DDX27: variants seen among roughly 807,000 people sequenced by gnomAD.
The protein encoded by DDX27 is probable ATP-dependent RNA helicase DDX27.
DDX27 carries 42 observed loss-of-function variants against 99.3 expected under a neutral mutation model. The observed-to-expected ratio is 0.42, with a 90% confidence interval of 0.33 to 0.55. The LOEUF (loss-of-function observed/expected upper bound fraction) is 0.55, where lower values mean the gene tolerates loss of function less well. DDX27 is among the 20% of genes least tolerant of loss of function. DDX27 has a pLI of 0.07. For synonymous variants in DDX27, 329 were observed against 353.8 expected (o/e 0.93, Z 0.79); for missense variants, 798 against 976.8 (o/e 0.82, Z 2.44).
intron 7 of DDX27, among the ~76,000 whole-genome samples, chr20:49,227,717 G>A (rs371385126): frequency 1.3e-5 from 2 of 152,120 alleles, no homozygotes; most frequent in South Asian, 2.1e-4. Context: ...GAGGATGTCC[G>A]GTCTAGTAGT....
At chr20:49,231,743 G>A (rs952288509) in intron 9 of DDX27, among the ~76,000 whole-genome samples, 8 of 152,308 alleles carry the variant, frequency 5.3e-5, no homozygotes, top group South Asian at 2.1e-4. Context: ...CAAACCGGCC[G>A]TCAGTATCTC....
At position 49,223,267 on chromosome 20, in the gene DDX27, G is replaced by A. The variant is rs1451793396; in HGVS notation, c.301-1G>A. 6.2e-7 allele frequency: 1 copy of A among 1,604,442 alleles called. No individual in the cohort carries two copies. Among genetic ancestry groups the A allele is most frequent in the South Asian group, 1.1e-5 (1 of 89,272 alleles). On this transcript the variant is annotated splice_acceptor_variant, in intron 3 of 20. Coordinates refer to ENST00000618172, the MANE Select transcript of DDX27 (RefSeq NM_017895.8). LOFTEE classifies it high-confidence loss of function. ...CACCCTCACTTTAATTTTTTTCCCA[G>A]GATAAAGAAGCCAAGTCTGGGAAGT...
rs988843896 is a variant in DDX27, at chr20:49,230,167, G to A, written c.881-32G>A. 3.2e-6 allele frequency: 5 copies of A among 1,586,662 alleles called. No homozygotes were observed. The Admixed American group carries it at 6.8e-5, about 22-fold the overall frequency. On this transcript the variant is annotated intron_variant, in intron 8 of 20. Transcript: ENST00000618172. The stretch of plus-strand genomic sequence containing the variant: ...GTCAACACCCATGAGCAGCTGACCT[G>A]GCCGCCTGGTGGGGCTCTCTTCTCT...
chr20:49,226,654 A>G (rs1466162274), intron 7 of DDX27, 119 bp downstream of exon 7: 5 of 640,696 alleles, frequency 7.8e-6, no homozygotes, highest in Admixed American at 6.6e-5. Flanking sequence ...GAACTATTTC[A>G]TTTTTATTTT....
chr20:49,234,956 C>T lies in DDX27; in HGVS notation c.1295C>T (p.Thr432Ile). Residue 432 changes from threonine to isoleucine, a missense_variant, in exon 12 of 21, where the codon ACT becomes ATT. Coordinates refer to ENST00000618172, the MANE Select transcript of DDX27 (RefSeq NM_017895.8). Reference sequence around the variant, plus strand: ...CCAGCTTTGTTGACGAGGACCTTCACTGACCATGTGATGCTGTTCACGCAA... The same window carrying T: ...CCAGCTTTGTTGACGAGGACCTTCATTGACCATGTGATGCTGTTCACGCAA... ...IVAALLTRTFTDHVMLFTQTK... is the reference protein window; with the variant it reads ...IVAALLTRTFIDHVMLFTQTK... 1.2e-6 allele frequency: 2 copies of T among 1,608,810 alleles called. No homozygotes were observed. The highest frequency in any genetic ancestry group is 1.7e-6 in the Non-Finnish European group (2 of 1,177,116).
At chr20:49,240,367 C>A (rs916671852) in intron 16 of DDX27, among the ~76,000 whole-genome samples, 2 of 152,190 alleles carry the variant, frequency 1.3e-5, no homozygotes, top group Non-Finnish European at 2.9e-5. Flanking sequence ...TTCTATGCCT[C>A]GCCTTTTCAC....
intron 1 of DDX27, 31 bp from the exon 2 acceptor site, chr20:49,221,421 C>G: frequency 6.2e-7 from 1 of 1,612,060 alleles, no homozygotes; most frequent in Non-Finnish European, 8.5e-7. Flanking sequence ...TATCTCAGCC[C>G]CAAAGTCACT....
rs1314281536 is a variant in DDX27 at position 49,239,288 on chromosome 20, A to G, written c.1847A>G (p.Glu616Gly). Residue 616 changes from glutamate (E) to glycine (G), a missense_variant, in exon 16 of 21, where the codon GAG (glutamate) becomes GGG (glycine). This residue lies in a region of DDX27 where 553 missense variants were observed against 727.9 expected (regional missense o/e 0.76). Coordinates refer to ENST00000618172, the MANE Select transcript of DDX27 (RefSeq NM_017895.8). ...LEKGKEAVVQ[E>G]PERSWFQTKE... ...AAGGGGAAGGAGGCAGTGGTCCAAG[A>G]GCCCGAGAGGAGCTGGTTCCAGACC... The G allele has an allele frequency of 6.2e-7, 1 of 1,614,094 alleles. No homozygotes were observed. The highest frequency in any genetic ancestry group is 8.5e-7 in the Non-Finnish European group (1 of 1,179,974).
rs761156707 is a variant in DDX27 at position 49,230,327 on chromosome 20, C to T, written c.1009C>T (p.Leu337Phe). The part of the protein sequence containing the change: ...PSFHLSSIEV[L>F]ILDEADRMLD... ...CTTCCACCTGAGCAGCATCGAGGTG[C>T]TCATCCTGGACGAGGCTGACAGGTG... The change falls in exon 9 of 21, where the codon CTC becomes TTC. Residue 337 changes from leucine to phenylalanine, a missense_variant. Physicochemically the swap from Leu to Phe is conservative, Grantham distance 22 (BLOSUM62 0). Around this residue, in one of 2 missense-constraint regions of DDX27, gnomAD observed 553 missense variants for 727.9 expected, o/e 0.76. Transcript: ENST00000618172. 1.4e-5 allele frequency: 23 copies of T among 1,609,692 alleles called. No individual in the cohort carries two copies. The highest frequency in any genetic ancestry group is 3.3e-5 in the Admixed American group (2 of 59,972).
Position 49,233,795 on chromosome 20 carries a change from C to T in DDX27, c.1273+86C>T, listed in dbSNP as rs760646620. On this transcript the variant is annotated intron_variant, in intron 11 of 20. Transcript: ENST00000618172. ...TCCATGCTGAAGTGCTTGGTTTCCC[C>T]TGCGCCTCTGCCGTCCAGTCTTCCC... 14 of 1,473,702 alleles carry T rather than the reference C, an allele frequency of 9.5e-6. No individual in the cohort carries two copies. The South Asian group carries it at 1.7e-4, about 18-fold the overall frequency. 91.3% of individuals were successfully genotyped at this position (1,473,702 alleles called of 1,614,324 possible). A position where few individuals can be genotyped will look rare whatever the true frequency, so the allele number is the denominator to read the frequency against.
At chr20:49,235,802 G>A (rs1334474063) in intron 12 of DDX27, 1 of 163,030 alleles carries the variant, frequency 6.1e-6, no homozygotes, top group Non-Finnish European at 1.3e-5. Flanking sequence ...GGAGTGCAGT[G>A]GCGCAATCTT....
chr20:49,238,824 G>A, intron 14 of DDX27, 125 bp from the exon 15 acceptor site: 1 of 568,964 alleles, frequency 1.8e-6, no homozygotes, highest in East Asian at 3.2e-5. Flanking sequence ...TGCCCAGGCT[G>A]GCCTCAAATT....
intron 8 of DDX27, among the ~76,000 whole-genome samples, chr20:49,229,899 G>A (rs1052802430): frequency 5.3e-5 from 8 of 152,132 alleles, no homozygotes; most frequent in Admixed American, 5.2e-4. Context: ...ACCTGCCTTG[G>A]CCTCCCAAAG....
Position 49,242,139 on chromosome 20 carries a change from A to G in DDX27, c.2049A>G (p.Leu683=). The stretch of plus-strand genomic sequence containing the variant: ...AGGCGCAGATGTTTGCTGAACGGCT[A>G]GCGAAGAGGAATCGCAGAGCCAAGC... ...ILKAQMFAER[L]AKRNRRAKRA... is the part of the protein sequence containing the mutation. Residue 683 remains leucine, a synonymous_variant, in exon 18 of 21, where the codon CTA becomes CTG. Coordinates refer to ENST00000618172, the MANE Select transcript of DDX27 (RefSeq NM_017895.8). The G allele has an allele frequency of 3.1e-6, 5 of 1,614,216 alleles. No individual in the cohort carries two copies. The highest frequency in any genetic ancestry group is 1.1e-5 in the South Asian group (1 of 91,080).
At chr20:49,230,455 T>TCA (rs1980067326) in intron 9 of DDX27, 106 bp downstream of exon 9, 4 of 1,361,042 alleles carry the variant, frequency 2.9e-6, no homozygotes, top group Non-Finnish European at 4.0e-6. Context: ...GGGCCATGGC[T>TCA]GTTGGTGTGC....
chr20:49,236,325 CCTT>C lies in DDX27; in HGVS notation c.1510-5_1510-3del. On this transcript the variant is annotated splice_polypyrimidine_tract_variant and splice_region_variant and intron_variant, in intron 13 of 20. Transcript: ENST00000618172. The surrounding 1 kb of genome is among the most constrained non-coding windows in gnomAD (Gnocchi z 4.1). ...TGCCAGGCCTGACGTTCATTTTTGA[CCTT>C]CTAGGTAATCAACTTCACAATGCCT... The C allele has an allele frequency of 6.4e-7, 1 of 1,571,366 alleles. No homozygotes were observed. The highest frequency in any genetic ancestry group is 8.7e-7 in the Non-Finnish European group (1 of 1,155,568).
intron 18 of DDX27, 39 bp downstream of exon 18, chr20:49,242,245 T>G: frequency 6.2e-7 from 1 of 1,609,428 alleles, no homozygotes; most frequent in Non-Finnish European, 8.5e-7. Flanking sequence ...TGTACAAGGT[T>G]TTCCCTGAAA....
rs759501818 is a variant in DDX27 at position 49,226,501 on chromosome 20, G to A, written c.672G>A (p.Gly224=). ...CGTGCATACCTGTGGGTCTATTGGG[G>A]AAGGACATCTGTGCCTGTGCAGCCA... ...QKACIPVGLL[G]KDICACAATG... The change falls in exon 7 of 21, where the codon GGG becomes GGA. Residue 224 remains glycine, a synonymous_variant. Coordinates refer to ENST00000618172, the MANE Select transcript of DDX27 (RefSeq NM_017895.8). 7 of 1,614,106 alleles carry A rather than the reference G, an allele frequency of 4.3e-6. No individual in the cohort carries two copies. Among genetic ancestry groups the A allele is most frequent in the East Asian group, 2.2e-5 (1 of 44,872 alleles).
At position 49,238,940 on chromosome 20, in the gene DDX27, C is replaced by A; in HGVS notation, c.1688-9C>A. 1.2e-6 allele frequency: 2 copies of A among 1,602,066 alleles called. No homozygotes were observed. The highest frequency in any genetic ancestry group is 8.6e-7 in the Non-Finnish European group (1 of 1,169,232). The stretch of plus-strand genomic sequence containing the variant: ...TATTTGTAAATCCTTTTTATTTTCT[C>A]CCATTGAGATGTCATCCTCAAATTC... On this transcript the variant is annotated splice_polypyrimidine_tract_variant and intron_variant, in intron 14 of 20. Coordinates refer to ENST00000618172, the MANE Select transcript of DDX27 (RefSeq NM_017895.8).
Sources: gnomAD v4.1 joint callset for allele counts (sites outside exome capture counted in the v4.1 genomes callset) on GRCh38, gnomAD v4.1.1 for gene constraint, gnomAD v4.1.1 regional missense constraint, Gnocchi (gnomAD v3.1) non-coding constraint, MANE v1.5 for transcripts, NCBI Gene and HGNC (gene_info 2026-07-23, HGNC 2026-07-21) for gene names.